GRM1: variants seen among roughly 807,000 people sequenced by gnomAD.
The protein encoded by GRM1 is glutamate metabotropic receptor 1, also known as metabotropic glutamate receptor 1.
GRM1 carries 33 observed loss-of-function variants against 90.9 expected under a neutral mutation model. The ratio of observed to expected loss-of-function variants is 0.36; its 90% CI spans 0.28 to 0.49. GRM1 has a LOEUF of 0.49. GRM1 is among the 20% of genes least tolerant of loss of function. GRM1 has a pLI of 0.99. For missense variants in GRM1, 1,190 were observed against 1,534.3 expected, an observed-to-expected ratio of 0.78 and a Z score of 3.75; for synonymous variants, 700 against 613.2, an observed-to-expected ratio of 1.14 and a Z score of -2.09.
chr6:146,064,579 A>G (rs1431451072), intron 1 of GRM1, among the ~76,000 whole-genome samples: 1 of 152,044 alleles, frequency 6.6e-6, no homozygotes, highest in Non-Finnish European at 1.5e-5. Context: ...AGTATATAGT[A>G]TCTGTTCTAC....
chr6:146,227,185 C>T (rs1464466349), intron 2 of GRM1, among the ~76,000 whole-genome samples: 1 of 151,718 alleles, frequency 6.6e-6, no homozygotes. Context: ...CTAAAACATA[C>T]AGAAATATAT....
At chr6:146,097,861 T>C (rs1776924091) in intron 1 of GRM1, among the ~76,000 whole-genome samples, 1 of 152,236 alleles carries the variant, frequency 6.6e-6, no homozygotes, top group African/African-American at 2.4e-5. Context: ...CTACAGCATA[T>C]TACTAACACC....
chr6:146,289,527 G>T (rs925650550), intron 2 of GRM1, among the ~76,000 whole-genome samples: 2 of 152,158 alleles, frequency 1.3e-5, no homozygotes, highest in Non-Finnish European at 2.9e-5. Context: ...TATTATGGAA[G>T]AAAAAAGTAC....
At chr6:146,119,536 A>G (rs1775899725) in intron 1 of GRM1, among the ~76,000 whole-genome samples, 1 of 152,114 alleles carries the variant, frequency 6.6e-6, no homozygotes, top group Non-Finnish European at 1.5e-5. Flanking sequence ...CCTGAATGGT[A>G]TTGCCTAGGT....
rs187096040 is a variant in GRM1 at position 146,111,281 on chromosome 6, G to A, written c.701-48067G>A. ...CCATCTGGGTTTGGGTTCAAATCCT[G>A]ACTGTTACCTACCAGCTTTCACGAC... On this transcript the variant is annotated intron_variant, in intron 1 of 7. Transcript: ENST00000282753. Among the ~76,000 whole-genome samples, 15 of 152,288 alleles carry A rather than the reference G, an allele frequency of 9.8e-5. No homozygotes were observed. In the East Asian group the frequency reaches 2.9e-3, roughly 30 times the overall value.
At chr6:146,194,562 G>T (rs906484036) in intron 2 of GRM1, among the ~76,000 whole-genome samples, 1 of 152,168 alleles carries the variant, frequency 6.6e-6, no homozygotes, top group African/African-American at 2.4e-5. Flanking sequence ...ATGTCTGGAA[G>T]CAGCACTCCC....
At chr6:146,384,570 G>A (rs547600851) in intron 5 of GRM1, among the ~76,000 whole-genome samples, 9 of 151,918 alleles carry the variant, frequency 5.9e-5, no homozygotes, top group Non-Finnish European at 8.8e-5. Context: ...AAATAAATCC[G>A]CACTCTACAC....
At chr6:146,433,735 A>G in intron 7 of GRM1, 137 bp from the exon 8 acceptor site, 2 of 700,514 alleles carry the variant, frequency 2.9e-6, no homozygotes, top group East Asian at 2.7e-5. Flanking sequence ...AAGAGGAGGT[A>G]TGGGGTGCTG....
chr6:146,192,577 C>G (rs1778968402), intron 2 of GRM1, among the ~76,000 whole-genome samples: 1 of 152,144 alleles, frequency 6.6e-6, no homozygotes, highest in Non-Finnish European at 1.5e-5. Context: ...CTCTCTCATC[C>G]TCCTGTTCCC....
chr6:146,160,135 G>A (rs1385141260), intron 2 of GRM1, among the ~76,000 whole-genome samples: 5 of 152,016 alleles, frequency 3.3e-5, no homozygotes, highest in South Asian at 2.1e-4. Flanking sequence ...AGATATCAGT[G>A]GATAAAGGAC....
chr6:146,202,994 GA>G (rs1779357569), intron 2 of GRM1, among the ~76,000 whole-genome samples: 4 of 151,922 alleles, frequency 2.6e-5, no homozygotes, highest in Non-Finnish European at 5.9e-5. Flanking sequence ...AGGAGAGAGA[GA>G]CAATCCTGGC....
chr6:146,043,252 C>T (rs1418361213), intron 1 of GRM1, among the ~76,000 whole-genome samples: 2 of 151,982 alleles, frequency 1.3e-5, no homozygotes, highest in Non-Finnish European at 2.9e-5. Context: ...AGCAATGATG[C>T]ATTCCATTGT....
chr6:146,342,718 A>G (rs1233942615), intron 3 of GRM1, among the ~76,000 whole-genome samples: 2 of 152,212 alleles, frequency 1.3e-5, no homozygotes, highest in African/African-American at 2.4e-5. Flanking sequence ...CAAACCTTTA[A>G]TCACATTATC....
intron 1 of GRM1, among the ~76,000 whole-genome samples, chr6:146,047,860 G>A (rs965576002): frequency 2.0e-5 from 3 of 151,992 alleles, no homozygotes; most frequent in Non-Finnish European, 4.4e-5. Flanking sequence ...GACACTGGGT[G>A]AAAATTTGAA....
chr6:146,415,854 A>G (rs1777763055), intron 7 of GRM1, among the ~76,000 whole-genome samples: 1 of 152,216 alleles, frequency 6.6e-6, no homozygotes, highest in Non-Finnish European at 1.5e-5. Context: ...CTTCTGTATC[A>G]GTTGAAATGA....
chr6:146,034,128 T>C (rs1790801123), intron 1 of GRM1, among the ~76,000 whole-genome samples: 1 of 152,024 alleles, frequency 6.6e-6, no homozygotes, highest in African/African-American at 2.4e-5. Flanking sequence ...GGTTTCTAAT[T>C]AGAGTAGGAG....
chr6:146,212,047 G>A (rs1779702813), intron 2 of GRM1, among the ~76,000 whole-genome samples: 2 of 152,150 alleles, frequency 1.3e-5, no homozygotes, highest in African/African-American at 2.4e-5. Context: ...GCTGTCCACA[G>A]GTGAAATTTA....
At chr6:146,396,209 G>A (rs1352044552) in intron 6 of GRM1, among the ~76,000 whole-genome samples, 1 of 151,988 alleles carries the variant, frequency 6.6e-6, no homozygotes, top group East Asian at 1.9e-4. Context: ...GGAAGAATAA[G>A]TTCTTCCAGA....
chr6:146,377,429 T>G lies in GRM1; in HGVS notation c.1603-9461T>G, dbSNP rs181477207. Among the ~76,000 whole-genome samples the G allele has an allele frequency of 6.6e-5, 10 of 152,182 alleles. No homozygotes were observed. The East Asian group carries it at 1.9e-3, about 30-fold the overall frequency. On this transcript the variant is annotated intron_variant, in intron 5 of 7. Coordinates refer to ENST00000282753, the MANE Select transcript of GRM1 (RefSeq NM_001278064.2). ...GTTAGAAATTGGAGTAAAGGTCACT[T>G]TTGCTATACAAAGAGACTGGTGGCG...
Sources: gnomAD v4.1 joint callset for allele counts (sites outside exome capture counted in the v4.1 genomes callset) on GRCh38, gnomAD v4.1.1 for gene constraint, MANE v1.5 for transcripts, NCBI Gene and HGNC (gene_info 2026-07-23, HGNC 2026-07-21) for gene names.